The following ADAM29 variants were observed in gnomAD, a reference collection of about 807,000 sequenced individuals.
ADAM29 encodes ADAM metallopeptidase domain 29, also known as disintegrin and metalloproteinase domain-containing protein 29.
For synonymous variants in ADAM29, 367 were observed against 342.3 expected, an observed-to-expected ratio of 1.07 and a Z score of -0.80; for missense variants, 969 against 1,001.8, an observed-to-expected ratio of 0.97 and a Z score of 0.44.
Position 174,977,185 on chromosome 4 carries a change from A to T in ADAM29, c.1660A>T (p.Ile554Phe). 6.2e-7 allele frequency: 1 copy of T among 1,614,122 alleles called. No individual in the cohort carries two copies. ...CNISDVQCGR[I>F]QCENVTEIPN... ...TATCTCAGATGTCCAGTGTGGAAGA[A>T]TTCAGTGTGAGAATGTGACAGAAAT... The change falls in exon 5 of 5, where the codon ATT becomes TTT. Residue 554 changes from isoleucine (I) to phenylalanine (F), a missense_variant. By Grantham distance (21) the Ile-to-Phe change is conservative (BLOSUM62 0). Coordinates refer to ENST00000359240, the MANE Select transcript of ADAM29 (RefSeq NM_014269.4).
chr4:174,930,663 C>T (rs1743809569), intron 2 of ADAM29, among the ~76,000 whole-genome samples: 1 of 151,992 alleles, frequency 6.6e-6, no homozygotes, highest in African/African-American at 2.4e-5. Context: ...AAATGGCCAA[C>T]TCTTTTTTTT....
chr4:174,962,436 C>T (rs575855145), intron 4 of ADAM29, among the ~76,000 whole-genome samples: 3 of 149,788 alleles, frequency 2.0e-5, no homozygotes, highest in African/African-American at 5.0e-5. Flanking sequence ...GGCGTGAACC[C>T]GGGAAGCAGA....
At chr4:174,935,348 G>A (rs560848975) in intron 3 of ADAM29, among the ~76,000 whole-genome samples, 279 of 152,136 alleles carry the variant, frequency 1.8e-3, no homozygotes, top group Non-Finnish European at 2.8e-3. Flanking sequence ...ATGTAAATAA[G>A]AAAAACAACA....
At chr4:174,945,976 C>CT (rs1203446237) in intron 4 of ADAM29, among the ~76,000 whole-genome samples, 5 of 151,970 alleles carry the variant, frequency 3.3e-5, no homozygotes, top group Non-Finnish European at 5.9e-5. Flanking sequence ...CTATTTGAGC[C>CT]TTTTTTGATT....
chr4:174,973,690 T>A (rs188201949), intron 4 of ADAM29, among the ~76,000 whole-genome samples: 29 of 152,312 alleles, frequency 1.9e-4, no homozygotes, highest in African/African-American at 7.0e-4. Flanking sequence ...GCTCTTTCAA[T>A]ATTATTATAC....
intron 4 of ADAM29, among the ~76,000 whole-genome samples, chr4:174,940,878 T>A (rs1744498167): frequency 1.3e-5 from 2 of 152,192 alleles, no homozygotes; most frequent in South Asian, 4.1e-4. Flanking sequence ...AGGGAATCAG[T>A]CAAGCCTTTT....
At chr4:174,970,987 A>G (rs2111099850) in intron 4 of ADAM29, among the ~76,000 whole-genome samples, 1 of 152,298 alleles carries the variant, frequency 6.6e-6, no homozygotes, top group South Asian at 2.1e-4. Flanking sequence ...CTGCAGTCAC[A>G]CACAGGAGCT....
chr4:174,947,638 C>A (rs1744930450), intron 4 of ADAM29, among the ~76,000 whole-genome samples: 1 of 152,058 alleles, frequency 6.6e-6, no homozygotes, highest in Admixed American at 6.6e-5. Context: ...GTTTAATTTT[C>A]TGAGAATTAT....
intron 4 of ADAM29, among the ~76,000 whole-genome samples, chr4:174,954,028 C>T (rs900498222): frequency 6.6e-6 from 1 of 152,090 alleles, no homozygotes; most frequent in Non-Finnish European, 1.5e-5. Flanking sequence ...TTTATTATAT[C>T]ATGTCATTTC....
rs1264552660 is a variant in ADAM29 at position 174,943,625 on chromosome 4, T to G, written c.-181+6612T>G. On this transcript the variant is annotated intron_variant, in intron 4 of 4. Coordinates refer to ENST00000359240, the MANE Select transcript of ADAM29 (RefSeq NM_014269.4). Reference sequence around the variant, plus strand: ...AATCCACCCCCATGATCCAACCACCTCCCACCAGGTCCCTCCCCTGACACA... The same window carrying G: ...AATCCACCCCCATGATCCAACCACCGCCCACCAGGTCCCTCCCCTGACACA... Among the ~76,000 whole-genome samples, 4 of 152,042 alleles carry G rather than the reference T, an allele frequency of 2.6e-5. No individual in the cohort carries two copies. In the East Asian group the frequency reaches 7.7e-4, roughly 29 times the overall value.
intron 3 of ADAM29, among the ~76,000 whole-genome samples, chr4:174,931,907 T>A (rs1218961354): frequency 6.6e-6 from 1 of 152,168 alleles, no homozygotes; most frequent in Non-Finnish European, 1.5e-5. Flanking sequence ...TTAACTATAA[T>A]GTATTTTTCT....
chr4:174,940,497 CT>C, intron 4 of ADAM29, among the ~76,000 whole-genome samples: 1 of 151,894 alleles, frequency 6.6e-6, no homozygotes, highest in East Asian at 1.9e-4. Flanking sequence ...CCTTTATCTG[CT>C]TTTTTATACA....
chr4:174,955,222 G>A (rs10010673), intron 4 of ADAM29, among the ~76,000 whole-genome samples: 2,767 of 152,058 alleles, frequency 0.018, 89 homozygotes, highest in African/African-American at 0.063. Context: ...TGAGCTGAAT[G>A]TATCAAATAT....
chr4:174,939,486 A>T (rs1406819679), intron 4 of ADAM29, among the ~76,000 whole-genome samples: 1 of 152,184 alleles, frequency 6.6e-6, no homozygotes, highest in Non-Finnish European at 1.5e-5. Context: ...TATAGATTTC[A>T]CTCCAAGCCA....
At chr4:174,963,621 T>G (rs1284913118) in intron 4 of ADAM29, among the ~76,000 whole-genome samples, 2 of 152,064 alleles carry the variant, frequency 1.3e-5, no homozygotes, top group Admixed American at 1.3e-4. Context: ...TAAAATTTTG[T>G]ATAGTATAAT....
chr4:174,936,489 C>T (rs1431682326), intron 3 of ADAM29, among the ~76,000 whole-genome samples: 1 of 151,882 alleles, frequency 6.6e-6, no homozygotes, highest in African/African-American at 2.4e-5. Context: ...TCTATTACCA[C>T]TGTAAACTTG....
At chr4:174,959,619 C>T (rs557021248) in intron 4 of ADAM29, among the ~76,000 whole-genome samples, 1 of 151,552 alleles carries the variant, frequency 6.6e-6, no homozygotes, top group South Asian at 2.1e-4. Flanking sequence ...CTTTTTTTCT[C>T]TAGTGTTTTC....
chr4:174,952,179 T>C (rs544663971), intron 4 of ADAM29, among the ~76,000 whole-genome samples: 14 of 151,912 alleles, frequency 9.2e-5, no homozygotes, highest in African/African-American at 3.4e-4. Context: ...CTTATTGACT[T>C]TTTTTTTGGA....
intron 4 of ADAM29, among the ~76,000 whole-genome samples, chr4:174,957,868 T>C (rs1745593146): frequency 6.6e-6 from 1 of 151,864 alleles, no homozygotes; most frequent in Non-Finnish European, 1.5e-5. Context: ...TGTATAATAT[T>C]TTGAAAAGGC....
Sources: gnomAD v4.1 joint callset for allele counts (sites outside exome capture counted in the v4.1 genomes callset) on GRCh38, gnomAD v4.1.1 for gene constraint, MANE v1.5 for transcripts, NCBI Gene and HGNC (gene_info 2026-07-23, HGNC 2026-07-21) for gene names.